Variants in ETV3 observed in about 807,000 individuals in gnomAD.
The protein encoded by ETV3 is ETS variant transcription factor 3.
In ETV3, 8 loss-of-function variants were observed where a neutral mutation model predicts 33.0. That is an observed-to-expected ratio of 0.24 (90% CI 0.14 to 0.44). The LOEUF (loss-of-function observed/expected upper bound fraction) is 0.44. ETV3 is among the 20% of genes least tolerant of loss of function. ETV3 has a pLI of 1.00. For missense variants in ETV3, 473 were observed against 652.3 expected (o/e 0.73, Z 2.99); for synonymous variants, 222 against 238.9 (o/e 0.93, Z 0.65).
intron 3 of ETV3, among the ~76,000 whole-genome samples, 173 bp from the exon 4 acceptor site, chr1:157,134,400 T>C (rs1675045236): frequency 6.6e-6 from 1 of 152,074 alleles, no homozygotes; most frequent in African/African-American, 2.4e-5. Flanking sequence ...ACAGCTTAAT[T>C]TTCTTACTCA....
At chr1:157,135,774 A>C in intron 2 of ETV3, 66 bp from the exon 3 acceptor site, 2 of 1,454,738 alleles carry the variant, frequency 1.4e-6, no homozygotes, top group Non-Finnish European at 1.9e-6. Flanking sequence ...AGCAACCCCA[A>C]CTGCACATTC....
chr1:157,136,738 T>C, intron 1 of ETV3, among the ~76,000 whole-genome samples: 1 of 152,234 alleles, frequency 6.6e-6, no homozygotes, highest in East Asian at 1.9e-4. Flanking sequence ...GTTTGTCTTC[T>C]ATTACTAGAC....
intron 4 of ETV3, among the ~76,000 whole-genome samples, chr1:157,130,540 A>C (rs998529452): frequency 6.6e-6 from 1 of 152,204 alleles, no homozygotes; most frequent in Non-Finnish European, 1.5e-5. Flanking sequence ...AGCCTAGTAC[A>C]AGTAGCACAC....
At chr1:157,126,721 G>A (rs1467292866) in intron 4 of ETV3, among the ~76,000 whole-genome samples, 2 of 151,252 alleles carry the variant, frequency 1.3e-5, no homozygotes, top group African/African-American at 2.4e-5. Context: ...CTGACTGTGC[G>A]GAGGGGCAGA....
At chr1:157,134,729 C>T (rs1028071601) in intron 3 of ETV3, among the ~76,000 whole-genome samples, 1 of 152,202 alleles carries the variant, frequency 6.6e-6, no homozygotes, top group Non-Finnish European at 1.5e-5. Flanking sequence ...ATCTGGAAAA[C>T]AGCAGCTAGT....
Position 157,125,338 on chromosome 1 carries a change from G to A in ETV3, c.1042C>T (p.Pro348Ser), listed in dbSNP as rs1206073706. ...CGGTTCTTCCGCCCAACTGGTGGGG[G>A]CTGCAGCTTGATGGAGAACTGAGTT... ...ESTQFSIKLQPPPVGRKNRER... is the reference protein window; with the variant it reads ...ESTQFSIKLQSPPVGRKNRER... Residue 348 changes from proline to serine, a missense_variant, in exon 5 of 5, where the codon CCC becomes TCC. Physicochemically the swap from Pro to Ser is moderately conservative, Grantham distance 74 (BLOSUM62 -1). Transcript: ENST00000368192. This position sits in a 1 kb window ranked among gnomAD's most constrained non-coding sequence, Gnocchi z 4.0. 6.4e-7 allele frequency: 1 copy of A among 1,551,988 alleles called. No homozygotes were observed. The highest frequency in any genetic ancestry group is 8.7e-7 in the Non-Finnish European group (1 of 1,147,066).
chr1:157,131,342 A>C (rs1674963030), intron 4 of ETV3, among the ~76,000 whole-genome samples: 1 of 152,254 alleles, frequency 6.6e-6, no homozygotes, highest in African/African-American at 2.4e-5. Flanking sequence ...ACAGACCAGA[A>C]TACCCCAACT....
Position 157,124,913 on chromosome 1 carries a change from C to T in ETV3, c.1467G>A (p.Leu489=), listed in dbSNP as rs1265523950. 3 of 1,551,596 alleles carry T rather than the reference C, an allele frequency of 1.9e-6. No homozygotes were observed. In the Admixed American group the frequency reaches 5.9e-5, roughly 30 times the overall value. The change falls in exon 5 of 5, where the codon CTG becomes CTA. Residue 489 remains leucine (L), a synonymous_variant. Transcript: ENST00000368192. ...RWNDDPEARE[L]SKSGKFLWNG... ...TCCAGAGAAACTTGCCACTCTTGCT[C>T]AGCTCTCGGGCTTCAGGGTCATCAT...
Position 157,122,485 on chromosome 1 carries a change from G to GAGTTGAACA in ETV3, c.*2355_*2356insTGTTCAACT, listed in dbSNP as rs1674727029. ...ATGGAGTTGAACATTTTTCGAGTGT[G>GAGTTGAACA]TTTTTTTCAAGTGTAAAAGCAGTGA... On this transcript the variant is annotated 3_prime_UTR_variant, in exon 5 of 5. Transcript: ENST00000368192. 2 of 151,958 alleles carry GAGTTGAACA rather than the reference G, an allele frequency of 1.3e-5. No individual in the cohort carries two copies. The highest frequency in any genetic ancestry group is 1.3e-4 in the Admixed American group (2 of 15,262). 9.4% of individuals were successfully genotyped at this position (151,958 alleles called of 1,614,324 possible).
Position 157,125,646 on chromosome 1 carries a change from C to T in ETV3, c.734G>A (p.Ser245Asn). 6.4e-7 allele frequency: 1 copy of T among 1,551,702 alleles called. No individual in the cohort carries two copies. Among genetic ancestry groups the T allele is most frequent in the Non-Finnish European group, 8.7e-7 (1 of 1,146,996 alleles). Reference protein sequence around the residue: ...ARPGMYPDPHSPFAVSPIPGR... With the variant: ...ARPGMYPDPHNPFAVSPIPGR... ...AGGGATTGGAGAGACAGCGAAGGGA[C>T]TGTGGGGGTCAGGGTACATCCCTGG... is the stretch of plus-strand genomic sequence containing the variant. The change falls in exon 5 of 5, where the codon AGT becomes AAT. Residue 245 changes from serine to asparagine, a missense_variant. By Grantham distance (46) the Ser-to-Asn change is conservative. Transcript: ENST00000368192. This position sits in a 1 kb window ranked among gnomAD's most constrained non-coding sequence, Gnocchi z 4.0.
intron 4 of ETV3, chr1:157,133,216 T>C (rs1193881802): frequency 6.1e-6 from 1 of 164,868 alleles, no homozygotes; most frequent in African/African-American, 2.4e-5. Context: ...TTGTCATTAA[T>C]CTCTTACTGT....
intron 4 of ETV3, chr1:157,128,650 C>CA: frequency 1.0e-5 from 2 of 200,338 alleles, no homozygotes; most frequent in Non-Finnish European, 1.1e-5. Context: ...TAGATTATCT[C>CA]AAAAAAGCTA....
Position 157,124,765 on chromosome 1 carries a change from C to CCCCCCTAAA in ETV3, c.*75_*76insTTTAGGGGG. On this transcript the variant is annotated 3_prime_UTR_variant, in exon 5 of 5. Transcript: ENST00000368192. ...CAAACCAGTTTAACTCCCTCCCCCC[C>CCCCCCTAAA]ACCCTGAAATCTTGCTACATAAATA... 4.9e-6 allele frequency: 2 copies of CCCCCCTAAA among 408,016 alleles called. No homozygotes were observed. The highest frequency in any genetic ancestry group is 8.3e-6 in the Non-Finnish European group (2 of 241,294). The allele number at this position is 408,016 out of a possible 1,614,324, so 25.3% of individuals were successfully genotyped here.
At chr1:157,134,934 A>AG (rs1675061967) in intron 3 of ETV3, among the ~76,000 whole-genome samples, 1 of 152,224 alleles carries the variant, frequency 6.6e-6, no homozygotes, top group Non-Finnish European at 1.5e-5. Flanking sequence ...AAGACCGACA[A>AG]GGGGAAAAAA....
chr1:157,128,498 A>G (rs1674894450), intron 4 of ETV3: 1 of 297,460 alleles, frequency 3.4e-6, no homozygotes, highest in East Asian at 8.3e-5. Context: ...AGGCCACTGG[A>G]TTCTCTTACA....
chr1:157,134,522 C>T (rs1413898634), intron 3 of ETV3, among the ~76,000 whole-genome samples: 1 of 152,214 alleles, frequency 6.6e-6, no homozygotes, highest in Non-Finnish European at 1.5e-5. Context: ...TCTACAATTT[C>T]GATTCTACAG....
intron 1 of ETV3, among the ~76,000 whole-genome samples, chr1:157,137,164 T>C (rs1043164409): frequency 3.3e-5 from 5 of 152,122 alleles, no homozygotes. Flanking sequence ...AATTTCCTGT[T>C]CCTCCCAGCA....
At chr1:157,126,067 T>C (rs1674829269) in intron 4 of ETV3, 88 bp from the exon 5 acceptor site, 5 of 1,176,788 alleles carry the variant, frequency 4.2e-6, no homozygotes, top group Non-Finnish European at 4.6e-6. Flanking sequence ...AAATATTTAG[T>C]AGTAACAGGA....
At chr1:157,137,496 G>GAAAA (rs10655760) in intron 1 of ETV3, among the ~76,000 whole-genome samples, 1 of 149,244 alleles carries the variant, frequency 6.7e-6, no homozygotes, top group South Asian at 2.1e-4. Context: ...AAAGGAAGGA[G>GAAAA]CAGACAAGGA....
Sources: gnomAD v4.1 joint callset for allele counts (sites outside exome capture counted in the v4.1 genomes callset) on GRCh38, gnomAD v4.1.1 for gene constraint, Gnocchi (gnomAD v3.1) non-coding constraint, MANE v1.5 for transcripts, NCBI Gene and HGNC (gene_info 2026-07-23, HGNC 2026-07-21) for gene names.